WDPCP: variants seen among roughly 807,000 people sequenced by gnomAD.
WDPCP encodes WD repeat containing planar cell polarity effector.
Under a neutral mutation model 93.1 loss-of-function variants are expected in WDPCP, and 71 were observed. The ratio of observed to expected loss-of-function variants is 0.76; its 90% confidence interval spans 0.63 to 0.93. The LOEUF is 0.93. Among genes scored for constraint, WDPCP ranks in the 40% least tolerant of loss-of-function variants. WDPCP has a pLI of 0.00. For synonymous variants in WDPCP, 315 were observed against 315.0 expected (o/e 1.00, Z 0.00); for missense variants, 844 against 887.4 (o/e 0.95, Z 0.62).
In WDPCP at chr2:63,379,721, C is replaced by T. The variant is rs566711360; in HGVS notation, c.1625-1212G>A. The stretch of plus-strand genomic sequence containing the variant: ...GAAGATCTCAAAGATAACTACAATA[C>T]GGCTACAAATAAAAGAGCTCACTGG... On this transcript the variant is annotated intron_variant, in intron 11 of 17. Coordinates refer to ENST00000272321, the MANE Select transcript of WDPCP (RefSeq NM_015910.7). Among the ~76,000 whole-genome samples the T allele has an allele frequency of 4.6e-5, 7 of 152,120 alleles. No homozygotes were observed. In the South Asian group the frequency reaches 1.0e-3, roughly 23 times the overall value.
intron 12 of WDPCP, among the ~76,000 whole-genome samples, chr2:63,318,825 T>C (rs1175071616): frequency 1.3e-5 from 2 of 152,126 alleles, no homozygotes; most frequent in African/African-American, 4.8e-5. Context: ...TGCTCATTAG[T>C]AGCATAGTTA....
intron 1 of WDPCP, among the ~76,000 whole-genome samples, chr2:63,544,734 G>A (rs1705007980): frequency 6.6e-6 from 1 of 152,016 alleles, no homozygotes; most frequent in Admixed American, 6.6e-5. Flanking sequence ...TATAAGGAAA[G>A]GTATGCTACT....
At chr2:63,231,029 C>T (rs185898734) in intron 14 of WDPCP, among the ~76,000 whole-genome samples, 33 of 152,254 alleles carry the variant, frequency 2.2e-4, no homozygotes, top group African/African-American at 7.0e-4. Flanking sequence ...TCCAGCAGCA[C>T]ATCAAAAAGC....
At chr2:63,519,556 T>C (rs1281014268) in intron 1 of WDPCP, among the ~76,000 whole-genome samples, 4 of 151,956 alleles carry the variant, frequency 2.6e-5, no homozygotes, top group Admixed American at 2.6e-4. Flanking sequence ...TTTCCTAACC[T>C]CAAGGGGTGA....
intron 2 of WDPCP, among the ~76,000 whole-genome samples, chr2:63,735,812 ATTAAG>A (rs1195469425): frequency 6.6e-6 from 1 of 152,238 alleles, no homozygotes; most frequent in Admixed American, 6.5e-5. Context: ...GCTAAATTCT[ATTAAG>A]TTAATATAGA....
chr2:63,337,881 A>T (rs1006891549), intron 12 of WDPCP, among the ~76,000 whole-genome samples: 1 of 152,096 alleles, frequency 6.6e-6, no homozygotes, highest in African/African-American at 2.4e-5. Context: ...TGAGCTCCTT[A>T]TATATTCTGA....
intron 2 of WDPCP, among the ~76,000 whole-genome samples, chr2:63,746,510 G>A (rs967478085): frequency 2.0e-5 from 3 of 152,024 alleles, no homozygotes; most frequent in African/African-American, 7.2e-5. Flanking sequence ...TCTTATTACC[G>A]AAAACAGGTA....
chr2:63,840,448 G>C, the WDPCP span, among the ~76,000 whole-genome samples: 1 of 152,232 alleles, frequency 6.6e-6, no homozygotes, highest in Non-Finnish European at 1.5e-5. Flanking sequence ...CCGGGGCAAT[G>C]GGGATGGTGG....
At chr2:63,294,970 C>T (rs1684733117) in intron 13 of WDPCP, among the ~76,000 whole-genome samples, 1 of 151,918 alleles carries the variant, frequency 6.6e-6, no homozygotes, top group East Asian at 1.9e-4. Context: ...ATAGAGTAAA[C>T]AACTTGTAAC....
At chr2:63,503,058 A>G (rs1478591849) in intron 1 of WDPCP, among the ~76,000 whole-genome samples, 1 of 152,260 alleles carries the variant, frequency 6.6e-6, no homozygotes, top group Non-Finnish European at 1.5e-5. Context: ...AATTGTGGCA[A>G]AAATCTTTTA....
intron 14 of WDPCP, among the ~76,000 whole-genome samples, chr2:63,213,062 C>A (rs928987217): frequency 6.6e-6 from 1 of 152,062 alleles, no homozygotes; most frequent in African/African-American, 2.4e-5. Context: ...TAGACAGATC[C>A]ATGAGACAGA....
chr2:63,457,835 T>C (rs997755992), intron 6 of WDPCP, among the ~76,000 whole-genome samples: 8 of 152,126 alleles, frequency 5.3e-5, no homozygotes, highest in Non-Finnish European at 1.2e-4. Context: ...TGAAAGCTTT[T>C]ACTCTAAAAA....
intron 13 of WDPCP, among the ~76,000 whole-genome samples, chr2:63,280,700 A>G (rs751614841): frequency 2.0e-5 from 3 of 152,236 alleles, no homozygotes; most frequent in Admixed American, 6.5e-5. Context: ...CTGATCTTCA[A>G]CAAAGCAAAC....
At chr2:63,830,101 T>G (rs1671171287), upstream of WDPCP, among the ~76,000 whole-genome samples, 1 of 152,140 alleles carries the variant, frequency 6.6e-6, no homozygotes, top group South Asian at 2.1e-4. Context: ...AAGAGAAGCA[T>G]CATCAGCCTA....
chr2:63,204,767 G>C (rs927821025), intron 14 of WDPCP, among the ~76,000 whole-genome samples: 1 of 151,950 alleles, frequency 6.6e-6, no homozygotes, highest in African/African-American at 2.4e-5. Flanking sequence ...TTGTGAGATG[G>C]GTAGTTTGCG....
intron 14 of WDPCP, among the ~76,000 whole-genome samples, chr2:63,211,656 A>G (rs560196511): frequency 1.3e-5 from 2 of 152,244 alleles, no homozygotes; most frequent in Admixed American, 1.3e-4. Context: ...AAAATCGGTA[A>G]TAACAAACTT....
At chr2:63,214,376 T>A (rs534638423) in intron 14 of WDPCP, among the ~76,000 whole-genome samples, 2 of 152,134 alleles carry the variant, frequency 1.3e-5, no homozygotes, top group Non-Finnish European at 2.9e-5. Flanking sequence ...AAAAACCACA[T>A]GATTATCTCA....
chr2:63,374,721 C>A (rs1018012485), intron 12 of WDPCP, among the ~76,000 whole-genome samples: 1 of 152,072 alleles, frequency 6.6e-6, no homozygotes, highest in African/African-American at 2.4e-5. Flanking sequence ...AGTATATTAT[C>A]CGCAACATCT....
intron 15 of WDPCP, among the ~76,000 whole-genome samples, chr2:63,157,584 G>A (rs552000070): frequency 6.6e-6 from 1 of 152,208 alleles, no homozygotes; most frequent in African/African-American, 2.4e-5. Flanking sequence ...ATAGGATTCA[G>A]ATGATCTCTT....
Sources: allele counts gnomAD v4.1 joint callset (sites outside exome capture counted in the v4.1 genomes callset), GRCh38; gene constraint gnomAD v4.1.1; transcripts MANE v1.5; gene names NCBI Gene and HGNC (gene_info 2026-07-23, HGNC 2026-07-21).